PBX3: variants seen among roughly 807,000 people sequenced by gnomAD.
The protein encoded by PBX3 is PBX homeobox 3, also known as pre-B-cell leukemia transcription factor 3.
A neutral mutation model predicts 48.5 loss-of-function variants in PBX3; 14 were observed. The ratio of observed to expected loss-of-function variants is 0.29; its 90% CI spans 0.19 to 0.45. The LOEUF is 0.45. Ranked by LOEUF, PBX3 falls within the 20% of genes least tolerant of loss-of-function variation. The pLI is 1.00. For synonymous variants in PBX3, 210 were observed against 200.3 expected (o/e 1.05, Z -0.41); for missense variants, 386 against 546.7 (o/e 0.71, Z 2.93).
chr9:125,877,750 G>A (rs897528460), intron 2 of PBX3, among the ~76,000 whole-genome samples: 2 of 151,976 alleles, frequency 1.3e-5, no homozygotes, highest in Non-Finnish European at 2.9e-5. Flanking sequence ...CTTTAGATTT[G>A]GGCATCTGTA....
intron 2 of PBX3, among the ~76,000 whole-genome samples, chr9:125,826,826 AG>A (rs1838821717): frequency 6.6e-6 from 1 of 152,144 alleles, no homozygotes; most frequent in African/African-American, 2.4e-5. Context: ...ATCAAGTCAG[AG>A]TATTTAAGGT....
At position 125,953,822 on chromosome 9, in the gene PBX3, G is replaced by A. The variant is rs556806740; in HGVS notation, c.844-6862G>A. ...GGTTCCCATGCTGTGCTCACATAGA[G>A]AAGTTAAAATGTAACCAGAGTTAGC... On this transcript the variant is annotated intron_variant, in intron 5 of 8. Coordinates refer to ENST00000373489, the MANE Select transcript of PBX3 (RefSeq NM_006195.6). Among the ~76,000 whole-genome samples the A allele has an allele frequency of 6.6e-5, 10 of 152,294 alleles. No individual in the cohort carries two copies. The South Asian group carries it at 2.1e-3, about 32-fold the overall frequency.
intron 2 of PBX3, among the ~76,000 whole-genome samples, chr9:125,806,667 A>C (rs1357532292): frequency 2.0e-5 from 3 of 152,212 alleles, no homozygotes; most frequent in Non-Finnish European, 4.4e-5. Context: ...TGGAGAGGGC[A>C]CATGTGTTCA....
chr9:125,790,258 CTTTT>C (rs1215679857), intron 2 of PBX3, among the ~76,000 whole-genome samples: 7 of 149,418 alleles, frequency 4.7e-5, no homozygotes, highest in Non-Finnish European at 7.4e-5. Context: ...TTCTTTCTTT[CTTTT>C]TTTTTTTTTT....
intron 2 of PBX3, among the ~76,000 whole-genome samples, chr9:125,847,979 A>G (rs537465767): frequency 1.4e-3 from 219 of 152,084 alleles, no homozygotes; most frequent in African/African-American, 5.2e-3. Context: ...AACATTAGTA[A>G]ATATGGTGAA....
rs770363174 is a variant in PBX3 at position 125,926,675 on chromosome 9, C to T, written c.517-2980C>T. The stretch of plus-strand genomic sequence containing the variant: ...CTACTAAAAATACAAAAAAAATTAC[C>T]CGGGCATGGTGGCACACGCCTGTAA... On this transcript the variant is annotated intron_variant, in intron 3 of 8. Transcript: ENST00000373489. Among the ~76,000 whole-genome samples the T allele has an allele frequency of 5.3e-5, 8 of 151,968 alleles. No homozygotes were observed. In the South Asian group the frequency reaches 6.2e-4, roughly 12 times the overall value.
At chr9:125,852,380 G>A (rs187023514) in intron 2 of PBX3, among the ~76,000 whole-genome samples, 267 of 152,038 alleles carry the variant, frequency 1.8e-3, no homozygotes, top group African/African-American at 6.1e-3. Context: ...TCCCTTTATA[G>A]TAAAATGTTG....
chr9:125,923,859 C>A (rs1020063451), intron 3 of PBX3, among the ~76,000 whole-genome samples: 22 of 151,534 alleles, frequency 1.5e-4, no homozygotes, highest in Admixed American at 3.3e-4. Context: ...AACCACTGCA[C>A]CCAGCCTATT....
At chr9:125,879,370 C>T (rs575896044) in intron 2 of PBX3, among the ~76,000 whole-genome samples, 9 of 152,070 alleles carry the variant, frequency 5.9e-5, no homozygotes, top group East Asian at 3.9e-4. Context: ...CGTGAGCCAC[C>T]GTGCCCGGCC....
At chr9:125,932,160 A>G (rs1841731973) in intron 4 of PBX3, among the ~76,000 whole-genome samples, 1 of 152,180 alleles carries the variant, frequency 6.6e-6, no homozygotes, top group Non-Finnish European at 1.5e-5. Flanking sequence ...GTAATGAGTC[A>G]TCATCTGTGA....
chr9:125,761,842 T>G (rs1836677175), intron 2 of PBX3, among the ~76,000 whole-genome samples: 1 of 152,182 alleles, frequency 6.6e-6, no homozygotes, highest in South Asian at 2.1e-4. Flanking sequence ...GAGGGTCAGC[T>G]GCAGAGACTG....
intron 2 of PBX3, among the ~76,000 whole-genome samples, chr9:125,806,985 A>G (rs1015878153): frequency 1.3e-5 from 2 of 152,242 alleles, no homozygotes; most frequent in Non-Finnish European, 2.9e-5. Flanking sequence ...TTAAGTTATT[A>G]GAAATGGATT....
chr9:125,966,112 A>G lies in PBX3; in HGVS notation c.*189A>G, dbSNP rs1188006315. ...TTGTATTTATACTTAAAAACACACA[A>G]TGTTAAAAAAAATAAAGCACTTTAT... On this transcript the variant is annotated 3_prime_UTR_variant, in exon 9 of 9. Coordinates refer to ENST00000373489, the MANE Select transcript of PBX3 (RefSeq NM_006195.6). 2 of 383,054 alleles carry G rather than the reference A, an allele frequency of 5.2e-6. No individual in the cohort carries two copies. Among genetic ancestry groups the G allele is most frequent in the South Asian group, 6.2e-5 (1 of 16,234 alleles). The allele number at this position is 383,054 out of a possible 1,614,324, so 23.7% of individuals were successfully genotyped here. A position where few individuals can be genotyped will look rare whatever the true frequency, so the allele number is the denominator to read the frequency against.
rs563276023 is a variant in PBX3, at chr9:125,795,457, A to G, written c.274+46834A>G. Among the ~76,000 whole-genome samples, 331 of 152,316 alleles carry G rather than the reference A, an allele frequency of 2.2e-3. 1 individual carries two copies. The highest frequency in any genetic ancestry group is 7.6e-3 in the African/African-American group (315 of 41,574). On this transcript the variant is annotated intron_variant, in intron 2 of 8. Transcript: ENST00000373489. ...ATATTATATTCTTTGTGATGAAAGCATATGCTCTAGAGTTAACCATTAAAT... is the reference window on the plus strand; with the variant it reads ...ATATTATATTCTTTGTGATGAAAGCGTATGCTCTAGAGTTAACCATTAAAT...
intron 2 of PBX3, among the ~76,000 whole-genome samples, chr9:125,864,441 A>G (rs1227038101): frequency 6.6e-6 from 1 of 152,182 alleles, no homozygotes; most frequent in East Asian, 1.9e-4. Flanking sequence ...CATTACATTT[A>G]TTGTGCACTT....
At chr9:125,799,677 G>A (rs1349441570) in intron 2 of PBX3, among the ~76,000 whole-genome samples, 1 of 152,168 alleles carries the variant, frequency 6.6e-6, no homozygotes, top group Non-Finnish European at 1.5e-5. Flanking sequence ...ATTACATGAA[G>A]ACATGTAGAG....
intron 5 of PBX3, among the ~76,000 whole-genome samples, chr9:125,937,360 T>TAA (rs539276800): frequency 6.6e-6 from 1 of 151,706 alleles, no homozygotes; most frequent in African/African-American, 2.4e-5. Context: ...GTGTTTTTTT[T>TAA]AAAAAAAACA....
rs565412256 is a variant in PBX3 at position 125,932,190 on chromosome 9, C to T, written c.707+2345C>T. Among the ~76,000 whole-genome samples, 6 of 152,238 alleles carry T rather than the reference C, an allele frequency of 3.9e-5. No homozygotes were observed. In the South Asian group the frequency reaches 1.2e-3, roughly 32 times the overall value. On this transcript the variant is annotated intron_variant, in intron 4 of 8. Coordinates refer to ENST00000373489, the MANE Select transcript of PBX3 (RefSeq NM_006195.6). ...CTGTGAGGGTATCTGGAATGGAGCC[C>T]GGAATGGAACCAGTGCTTGTACTTG...
chr9:125,869,625 A>G (rs1370934528), intron 2 of PBX3, among the ~76,000 whole-genome samples: 1 of 152,244 alleles, frequency 6.6e-6, no homozygotes, highest in Non-Finnish European at 1.5e-5. Context: ...GAAATTAGCT[A>G]GAATTATCAA....
Sources: gnomAD v4.1 joint callset for allele counts (sites outside exome capture counted in the v4.1 genomes callset) on GRCh38, gnomAD v4.1.1 for gene constraint, MANE v1.5 for transcripts, NCBI Gene and HGNC (gene_info 2026-07-23, HGNC 2026-07-21) for gene names.